NBPF3: variants seen among roughly 807,000 people sequenced by gnomAD.
The protein encoded by NBPF3 is NBPF family member NBPF3.
A neutral mutation model predicts 78.1 loss-of-function variants in NBPF3; 57 were observed. The ratio of observed to expected loss-of-function variants is 0.73; its 90% confidence interval spans 0.59 to 0.91. NBPF3 has a LOEUF of 0.91. NBPF3 is among the 40% of genes least tolerant of loss of function. The pLI is 0.00. For synonymous variants in NBPF3, 182 were observed against 271.7 expected (o/e 0.67, Z 3.25); for missense variants, 510 against 715.3 (o/e 0.71, Z 3.27).
chr1:21,468,700 C>A lies in NBPF3; in HGVS notation c.146C>A (p.Thr49Asn), dbSNP rs911579624. 1.2e-6 allele frequency: 2 copies of A among 1,613,174 alleles called. No homozygotes were observed. The highest frequency in any genetic ancestry group is 2.7e-5 in the African/African-American group (2 of 74,922). Residue 49 changes from threonine to asparagine, a missense_variant, in exon 3 of 15, where the codon ACC becomes AAC. By Grantham distance (65) the Thr-to-Asn change is moderately conservative. Transcript: ENST00000318249. ...ELRDPTVPGP[T>N]SSATNVSMVV... ...GTCTTCTCCCCAGTCCCTGGCCCCACCTCTTCTGCCACAAACGTCAGCATG... is the reference window on the plus strand; with the variant it reads ...GTCTTCTCCCCAGTCCCTGGCCCCAACTCTTCTGCCACAAACGTCAGCATG...
At chr1:21,458,213 T>C (rs1384089115) in intron 2 of NBPF3, among the ~76,000 whole-genome samples, 2 of 152,150 alleles carry the variant, frequency 1.3e-5, no homozygotes, top group Non-Finnish European at 2.9e-5. Flanking sequence ...CTGGGGAGTT[T>C]CTTCAGACCC....
At chr1:21,453,060 C>T (rs762166503) in intron 2 of NBPF3, among the ~76,000 whole-genome samples, 2 of 152,190 alleles carry the variant, frequency 1.3e-5, no homozygotes, top group Non-Finnish European at 2.9e-5. Flanking sequence ...TTCCCCATGA[C>T]ATCCCCTCCT....
chr1:21,442,783 TCCTG>T (rs1243850043), intron 1 of NBPF3, among the ~76,000 whole-genome samples: 10 of 152,042 alleles, frequency 6.6e-5, no homozygotes, highest in African/African-American at 2.4e-4. Context: ...CACCTCAGCC[TCCTG>T]AGTAGCTGCG....
chr1:21,456,392 A>G lies in NBPF3; in HGVS notation c.133+11173A>G, dbSNP rs190016659. Among the ~76,000 whole-genome samples, 1,257 of 152,268 alleles carry G rather than the reference A, an allele frequency of 8.3e-3. 13 individuals carry two copies. Among genetic ancestry groups the G allele is most frequent in the Middle Eastern group, 0.01 (3 of 294 alleles). On this transcript the variant is annotated intron_variant, in intron 2 of 14. Transcript: ENST00000318249. ...TGTCCTTTCTCTTTGACTCGTGTAT[A>G]CTGTGCTCAAACTCTTAAAATTATA...
At chr1:21,472,142 A>G (rs1011745525) in intron 5 of NBPF3, among the ~76,000 whole-genome samples, 1 of 152,216 alleles carries the variant, frequency 6.6e-6, no homozygotes, top group African/African-American at 2.4e-5. Flanking sequence ...CTCTTTGGCA[A>G]TGTTCTTAGT....
chr1:21,464,466 G>A (rs1294745161), intron 2 of NBPF3, among the ~76,000 whole-genome samples: 2 of 152,004 alleles, frequency 1.3e-5, no homozygotes, highest in African/African-American at 2.4e-5. Flanking sequence ...GGGGGAATTG[G>A]AGAGTGTCTG....
intron 1 of NBPF3, among the ~76,000 whole-genome samples, chr1:21,442,833 C>T (rs1248809811): frequency 2.1e-4 from 32 of 151,800 alleles, no homozygotes; most frequent in Admixed American, 7.9e-4. Context: ...GGCTAATTTT[C>T]GTATTTTTTG....
Position 21,478,076 on chromosome 1 carries a change from G to T in NBPF3, c.993-68G>T, listed in dbSNP as rs781529987. The T allele has an allele frequency of 3.0e-5, 48 of 1,612,064 alleles. 1 individual carries two copies. In the East Asian group the frequency reaches 1.0e-3, roughly 34 times the overall value. ...CATTCTGTCTCCCATCAGATCATCT[G>T]GAAGGTTTTGTTGTCTAATCTCTGT... is the stretch of plus-strand genomic sequence containing the variant. On this transcript the variant is annotated intron_variant, in intron 8 of 14. Coordinates refer to ENST00000318249, the MANE Select transcript of NBPF3 (RefSeq NM_032264.6).
chr1:21,468,874 T>C lies in NBPF3; in HGVS notation c.320T>C (p.Leu107Pro). Residue 107 changes from leucine (L) to proline (P), a missense_variant, in exon 3 of 15, where the codon CTG becomes CCG. Physicochemically the swap from Leu to Pro is moderately conservative, Grantham distance 98 (BLOSUM62 -3). Around this residue, in one of 5 missense-constraint regions of NBPF3, gnomAD observed 440 missense variants for 478.2 expected, o/e 0.92. Transcript: ENST00000318249. ...KCLVTQVAYFLANRQNNYDYE... is the reference protein window; with the variant it reads ...KCLVTQVAYFPANRQNNYDYE... ...CTTGTAACTCAAGTGGCCTACTTCC[T>C]GGCCAACCGGCAAAATAATTACGGT... 1.2e-6 allele frequency: 2 copies of C among 1,614,046 alleles called. No homozygotes were observed. Among genetic ancestry groups the C allele is most frequent in the Non-Finnish European group, 1.7e-6 (2 of 1,179,896 alleles).
Position 21,451,446 on chromosome 1 carries a change from C to T in NBPF3, c.133+6227C>T, listed in dbSNP as rs147300495. On this transcript the variant is annotated intron_variant, in intron 2 of 14. Coordinates refer to ENST00000318249, the MANE Select transcript of NBPF3 (RefSeq NM_032264.6). ...ATTGTACATTCCATGCATTAATGTA[C>T]GAAGATGAGAAAGCTTTTGCCCCTT... Among the ~76,000 whole-genome samples, 388 of 152,258 alleles carry T rather than the reference C, an allele frequency of 2.5e-3. 5 individuals are homozygous for T. Among genetic ancestry groups the T allele is most frequent in the East Asian group, 0.011 (58 of 5,182 alleles).
At chr1:21,445,378 A>G (rs1322173216) in intron 2 of NBPF3, among the ~76,000 whole-genome samples, 159 bp downstream of exon 2, 2 of 152,236 alleles carry the variant, frequency 1.3e-5, no homozygotes, top group African/African-American at 4.8e-5. Context: ...GAATGAACAA[A>G]TATCCACAGC....
At chr1:21,439,516 C>T (rs779755772), upstream of NBPF3, among the ~76,000 whole-genome samples, 1 of 151,742 alleles carries the variant, frequency 6.6e-6, no homozygotes, top group Non-Finnish European at 1.5e-5. Context: ...ATAAAAAAAG[C>T]GAAAACGTAC....
intron 2 of NBPF3, chr1:21,449,914 T>C: frequency 2.5e-6 from 1 of 394,466 alleles, no homozygotes; most frequent in Non-Finnish European, 3.3e-6. Context: ...TTTACTGTAG[T>C]TCTTTCATTG....
At chr1:21,477,468 G>A (rs1213213662) in intron 8 of NBPF3, among the ~76,000 whole-genome samples, 2 of 152,142 alleles carry the variant, frequency 1.3e-5, no homozygotes, top group Admixed American at 6.5e-5. Context: ...TGGTGTGGAT[G>A]TCCTTTTGTT....
At chr1:21,448,950 C>T (rs1013060907) in intron 2 of NBPF3, among the ~76,000 whole-genome samples, 1 of 152,134 alleles carries the variant, frequency 6.6e-6, no homozygotes, top group East Asian at 1.9e-4. Context: ...GGAATAGAAA[C>T]CCAAAAGTTC....
intron 2 of NBPF3, among the ~76,000 whole-genome samples, chr1:21,464,453 AG>A (rs976270665): frequency 9.2e-5 from 14 of 151,706 alleles, no homozygotes; most frequent in Admixed American, 3.9e-4. Context: ...AGAGCACAAG[AG>A]GGGGGGAATT....
intron 2 of NBPF3, 21 bp downstream of exon 2, chr1:21,445,240 C>T: frequency 1.2e-6 from 2 of 1,609,468 alleles, no homozygotes; most frequent in Middle Eastern, 2.3e-4. Flanking sequence ...CGAGGCATTG[C>T]CAGCTCGGTG....
intron 2 of NBPF3, among the ~76,000 whole-genome samples, chr1:21,456,015 C>T (rs1482200137): frequency 6.6e-6 from 1 of 152,130 alleles, no homozygotes; most frequent in Non-Finnish European, 1.5e-5. Flanking sequence ...TCAATAAGGC[C>T]TATTGTTCAC....
intron 2 of NBPF3, among the ~76,000 whole-genome samples, chr1:21,452,489 A>C (rs576866143): frequency 6.6e-6 from 1 of 152,226 alleles, no homozygotes; most frequent in Non-Finnish European, 1.5e-5. Flanking sequence ...TTTTCAACCT[A>C]CAGGGGAGAT....
Sources: gnomAD v4.1 joint callset for allele counts (sites outside exome capture counted in the v4.1 genomes callset) on GRCh38, gnomAD v4.1.1 for gene constraint, gnomAD v4.1.1 regional missense constraint, MANE v1.5 for transcripts, NCBI Gene and HGNC (gene_info 2026-07-23, HGNC 2026-07-21) for gene names.